Variants in NBEA observed in about 807,000 individuals in gnomAD.
NBEA encodes neurobeachin, also known as lysosomal-trafficking regulator 2.
Under a neutral mutation model 343.4 loss-of-function variants are expected in NBEA, and 44 were observed. The ratio of observed to expected loss-of-function variants is 0.13; its 90% CI spans 0.10 to 0.16. The LOEUF is 0.16. NBEA is among the 10% of genes least tolerant of loss of function. The probability of loss-of-function intolerance (pLI) is 1.00; values close to 1 mark genes in which losing one functional copy is unlikely to be tolerated. For synonymous variants in NBEA, 1,175 were observed against 1,238.7 expected (o/e 0.95, Z 1.08); for missense variants, 2,555 against 3,631.3 (o/e 0.70, Z 7.62).
chr13:35,075,253 T>C (rs1401017213), intron 10 of NBEA, among the ~76,000 whole-genome samples: 6 of 152,094 alleles, frequency 3.9e-5, no homozygotes, highest in Admixed American at 3.3e-4. Flanking sequence ...TAATATGAAT[T>C]AAAATAAGAC....
intron 40 of NBEA, among the ~76,000 whole-genome samples, chr13:35,470,235 A>G (rs2075581961): frequency 1.3e-5 from 2 of 152,222 alleles, no homozygotes; most frequent in African/African-American, 4.8e-5. Flanking sequence ...TATTGGAGTA[A>G]AATCCAAAGG....
At chr13:35,265,621 CTT>C (rs2033610658) in intron 34 of NBEA, among the ~76,000 whole-genome samples, 2 of 151,602 alleles carry the variant, frequency 1.3e-5, no homozygotes, top group Admixed American at 6.6e-5. Flanking sequence ...TAGGGAGACT[CTT>C]CAATAAATAG....
chr13:35,074,596 C>T (rs2064030033), intron 10 of NBEA, among the ~76,000 whole-genome samples: 1 of 151,896 alleles, frequency 6.6e-6, no homozygotes, highest in Non-Finnish European at 1.5e-5. Context: ...TTATACTGTC[C>T]GATGTTAGGT....
chr13:35,464,590 G>A (rs144334147), intron 40 of NBEA, among the ~76,000 whole-genome samples: 94 of 152,156 alleles, frequency 6.2e-4, no homozygotes, highest in African/African-American at 1.2e-3. Context: ...CCTGACTTTC[G>A]AATCAGATCA....
intron 38 of NBEA, among the ~76,000 whole-genome samples, chr13:35,369,124 G>GCTT (rs60923659): frequency 0.29 from 43,242 of 147,600 alleles, 8,067 homozygotes; most frequent in African/African-American, 0.54. Context: ...CCGGTTTCAT[G>GCTT]CTGCAGATGG....
chr13:35,302,071 G>A (rs1366961715), intron 35 of NBEA, among the ~76,000 whole-genome samples: 1 of 152,144 alleles, frequency 6.6e-6, no homozygotes, highest in Non-Finnish European at 1.5e-5. Flanking sequence ...TTGGAAGGGT[G>A]GCCCAAACTG....
intron 34 of NBEA, among the ~76,000 whole-genome samples, chr13:35,267,160 A>G (rs1367033886): frequency 1.3e-5 from 2 of 151,882 alleles, no homozygotes; most frequent in Non-Finnish European, 2.9e-5. Context: ...GGTGGCAAAG[A>G]CGGAATAAAA....
chr13:35,465,634 A>C (rs552065258), intron 40 of NBEA, among the ~76,000 whole-genome samples: 22 of 152,312 alleles, frequency 1.4e-4, no homozygotes, highest in Non-Finnish European at 3.1e-4. Flanking sequence ...CTGGAAACAG[A>C]AATCTCAGCT....
At chr13:35,623,294 GTCAA>G (rs2083074806) in intron 48 of NBEA, among the ~76,000 whole-genome samples, 2 of 152,092 alleles carry the variant, frequency 1.3e-5, no homozygotes, top group Non-Finnish European at 2.9e-5. Flanking sequence ...CCAATGACCG[GTCAA>G]TACTGTTTAT....
At chr13:35,522,263 A>C (rs970825233) in intron 41 of NBEA, among the ~76,000 whole-genome samples, 16 of 151,838 alleles carry the variant, frequency 1.1e-4, no homozygotes, top group African/African-American at 3.9e-4. Context: ...AGGTCAGGAG[A>C]TCGAGACCAG....
rs896206828 is a variant in NBEA, at chr13:35,182,301, T to A, written c.4663-59T>A. ...ATAATAAAATAGCAGTTTCTAGTGCTTTAAGAACTTATACTTCAAAAAGTT... is the reference window on the plus strand; with the variant it reads ...ATAATAAAATAGCAGTTTCTAGTGCATTAAGAACTTATACTTCAAAAAGTT... On this transcript the variant is annotated intron_variant, in intron 28 of 58. Transcript: ENST00000379939. The A allele has an allele frequency of 8.0e-6, 12 of 1,506,310 alleles. No individual in the cohort carries two copies. The Admixed American group carries it at 2.1e-4, about 26-fold the overall frequency. 93.3% of individuals were successfully genotyped at this position (1,506,310 alleles called of 1,614,324 possible). A position where few individuals can be genotyped will look rare whatever the true frequency, so the allele number is the denominator to read the frequency against.
intron 41 of NBEA, chr13:35,475,199 G>C: frequency 6.2e-7 from 1 of 1,614,002 alleles, no homozygotes; most frequent in Non-Finnish European, 8.5e-7. Flanking sequence ...GGACACCGCC[G>C]GCACTGCAGG....
At chr13:35,353,076 A>G (rs1045632791) in intron 38 of NBEA, among the ~76,000 whole-genome samples, 4 of 152,172 alleles carry the variant, frequency 2.6e-5, no homozygotes, top group Admixed American at 6.6e-5. Flanking sequence ...AGAGTTTATT[A>G]AATCTGTTTG....
chr13:35,481,810 A>T (rs1037033710), intron 41 of NBEA, among the ~76,000 whole-genome samples: 3 of 151,936 alleles, frequency 2.0e-5, no homozygotes, highest in Admixed American at 1.3e-4. Flanking sequence ...AAATGTATGT[A>T]TGATTTTACA....
At chr13:35,471,737 G>C (rs2075656342) in intron 40 of NBEA, among the ~76,000 whole-genome samples, 1 of 152,148 alleles carries the variant, frequency 6.6e-6, no homozygotes, top group Non-Finnish European at 1.5e-5. Context: ...TTTTGTTCAA[G>C]CGTCTTACAT....
chr13:35,130,570 CG>C (rs1190821056), intron 17 of NBEA, among the ~76,000 whole-genome samples: 2 of 151,382 alleles, frequency 1.3e-5, no homozygotes, highest in African/African-American at 4.9e-5. Context: ...GTAGGTGAGT[CG>C]TAGAAATCTA....
chr13:35,005,999 A>T, intron 1 of NBEA, among the ~76,000 whole-genome samples: 1 of 152,118 alleles, frequency 6.6e-6, no homozygotes, highest in East Asian at 1.9e-4. Flanking sequence ...ATTTCTTATA[A>T]GCTGCATGTG....
chr13:35,664,445 G>A (rs1227229338), intron 55 of NBEA, among the ~76,000 whole-genome samples: 1 of 152,114 alleles, frequency 6.6e-6, no homozygotes, highest in Non-Finnish European at 1.5e-5. Context: ...AACCTATATG[G>A]GTGATGCAGA....
rs1594948373 is a variant in NBEA, at chr13:35,550,829, T to C, written c.6704-101T>C. ...GATTTTTCATGAAGATTCATTAGCTTTACAAATAAATCATGATAGGCACTT... is the reference window on the plus strand; with the variant it reads ...GATTTTTCATGAAGATTCATTAGCTCTACAAATAAATCATGATAGGCACTT... On this transcript the variant is annotated intron_variant, in intron 42 of 58. Coordinates refer to ENST00000379939, the MANE Select transcript of NBEA (RefSeq NM_001385012.1). 4 of 738,342 alleles carry C rather than the reference T, an allele frequency of 5.4e-6. No homozygotes were observed. In the East Asian group the frequency reaches 1.1e-4, roughly 20 times the overall value. The allele number at this position is 738,342 out of a possible 1,614,324, so 45.7% of individuals were successfully genotyped here.
Sources: gnomAD v4.1 joint callset for allele counts (sites outside exome capture counted in the v4.1 genomes callset) on GRCh38, gnomAD v4.1.1 for gene constraint, MANE v1.5 for transcripts, NCBI Gene and HGNC (gene_info 2026-07-23, HGNC 2026-07-21) for gene names.